The following BCL2L13 variants were observed in gnomAD, a reference collection of about 807,000 sequenced individuals.
BCL2L13 encodes bcl-2-like protein 13.
A neutral mutation model predicts 25.8 loss-of-function variants in BCL2L13; 13 were observed. The ratio of observed to expected loss-of-function variants is 0.50; its 90% confidence interval spans 0.33 to 0.80. The LOEUF is 0.80. Among genes scored for constraint, BCL2L13 ranks in the 30% least tolerant of loss-of-function variants. The probability of loss-of-function intolerance (pLI) is 0.02; values close to 1 mark genes in which losing one functional copy is unlikely to be tolerated. For missense variants in BCL2L13, 504 were observed against 574.9 expected, an observed-to-expected ratio of 0.88 and a Z score of 1.26; for synonymous variants, 244 against 230.3, an observed-to-expected ratio of 1.06 and a Z score of -0.54.
chr22:17,638,592 A>C (rs1312885580), upstream of BCL2L13: 1 of 1,013,426 alleles, frequency 9.9e-7, no homozygotes, highest in Non-Finnish European at 1.3e-6. Flanking sequence ...TCGCAATCAG[A>C]TTTGGGCGGG....
chr22:17,652,723 C>T (rs1260959239), intron 1 of BCL2L13, among the ~76,000 whole-genome samples: 4 of 152,098 alleles, frequency 2.6e-5, no homozygotes, highest in African/African-American at 4.8e-5. Flanking sequence ...CAGACATGAG[C>T]CATCGTGCCC....
chr22:17,643,754 C>T (rs1346556253), intron 1 of BCL2L13, among the ~76,000 whole-genome samples: 1 of 150,338 alleles, frequency 6.7e-6, no homozygotes, highest in Non-Finnish European at 1.5e-5. Context: ...GCTGGGACTA[C>T]AGGCACTCGC....
intron 1 of BCL2L13, among the ~76,000 whole-genome samples, chr22:17,653,170 C>G (rs2058742648): frequency 6.6e-6 from 1 of 152,096 alleles, no homozygotes; most frequent in Non-Finnish European, 1.5e-5. Flanking sequence ...AAATTGTAAG[C>G]CAAACTGTCG....
chr22:17,710,805 AGGC>A (rs1481853453), intron 6 of BCL2L13, among the ~76,000 whole-genome samples: 2 of 152,030 alleles, frequency 1.3e-5, no homozygotes, highest in African/African-American at 2.4e-5. Flanking sequence ...TGAATCCAAG[AGGC>A]GGAGCTTGCA....
chr22:17,708,613 C>T (rs997109271), intron 6 of BCL2L13, among the ~76,000 whole-genome samples: 1 of 152,086 alleles, frequency 6.6e-6, no homozygotes, highest in Non-Finnish European at 1.5e-5. Context: ...TTACTCAAAC[C>T]CTTTGGCTTC....
At chr22:17,676,077 A>G (rs1601614377) in intron 2 of BCL2L13, among the ~76,000 whole-genome samples, 1 of 152,252 alleles carries the variant, frequency 6.6e-6, no homozygotes, top group Non-Finnish European at 1.5e-5. Flanking sequence ...ATTTTAGAGC[A>G]TGAAAAGAAT....
Position 17,684,848 on chromosome 22 carries a change from T to A in BCL2L13, c.229+1527T>A, listed in dbSNP as rs5992789. ...CCTGGGTTCAGGCCATTCTCCTGCC[T>A]CAGCCTCCCGAGTAGCTGGGACTAC... is the stretch of plus-strand genomic sequence containing the variant. On this transcript the variant is annotated intron_variant, in intron 3 of 6. Transcript: ENST00000317582. Among the ~76,000 whole-genome samples, 588 of 152,040 alleles carry A rather than the reference T, an allele frequency of 3.9e-3. 4 individuals carry two copies. The highest frequency in any genetic ancestry group is 0.014 in the African/African-American group (569 of 41,456).
intron 2 of BCL2L13, among the ~76,000 whole-genome samples, chr22:17,668,306 C>T (rs2059301918): frequency 6.6e-6 from 1 of 151,706 alleles, no homozygotes; most frequent in African/African-American, 2.4e-5. Context: ...AGCCACCGTG[C>T]CCTACCTGTC....
chr22:17,715,139 TATATATATATATATATATATATA>T (rs1569007389), intron 6 of BCL2L13, among the ~76,000 whole-genome samples: 11 of 3,198 alleles, frequency 3.4e-3, no homozygotes, highest in South Asian at 0.022. Context: ...TATATATATA[TATATATATATATATATATATATA>T]TATATATATT....
chr22:17,707,638 GCT>G (rs1463249938), intron 6 of BCL2L13, among the ~76,000 whole-genome samples: 1 of 152,146 alleles, frequency 6.6e-6, no homozygotes, highest in Non-Finnish European at 1.5e-5. Flanking sequence ...ATCCAAAACA[GCT>G]CTTTTTCTTG....
chr22:17,692,163 C>A (rs549412446), intron 4 of BCL2L13, among the ~76,000 whole-genome samples: 3 of 152,306 alleles, frequency 2.0e-5, no homozygotes, highest in East Asian at 3.9e-4. Context: ...TACAGAAGAA[C>A]AACAGCTGTT....
chr22:17,631,683 TATATATATATATATATA>T (rs2058023983), intron 1 of BCL2L13, among the ~76,000 whole-genome samples: 1 of 31,830 alleles, frequency 3.1e-5, no homozygotes, highest in Non-Finnish European at 7.4e-5. Context: ...TATATATATA[TATATATATATATATATA>T]TATATATTTT....
intron 6 of BCL2L13, among the ~76,000 whole-genome samples, chr22:17,710,557 G>A (rs1217244989): frequency 6.6e-6 from 1 of 151,924 alleles, no homozygotes; most frequent in Non-Finnish European, 1.5e-5. Flanking sequence ...TCCAGCCTGG[G>A]TGACAGAGCA....
chr22:17,697,644 G>A (rs2060303710), intron 5 of BCL2L13, among the ~76,000 whole-genome samples: 1 of 152,082 alleles, frequency 6.6e-6, no homozygotes, highest in South Asian at 2.1e-4. Flanking sequence ...GTAAAGCTCA[G>A]TAAACAGCAG....
rs765639315 is a variant in BCL2L13 at position 17,711,304 on chromosome 22, C to CTTTTTTTTTTTTTTTTTTTTTTT, written c.600+8929_600+8930insTTTTTTTTTTTTTTTTTTTTTTT. On this transcript the variant is annotated intron_variant, in intron 6 of 6. Coordinates refer to ENST00000317582, the MANE Select transcript of BCL2L13 (RefSeq NM_015367.4). Reference sequence around the variant, plus strand: ...TTTCCCTTATTTCTTCATGATGGGCCTTTTTTTTTTTGAGACAGGGTTTCA... The same window carrying CTTTTTTTTTTTTTTTTTTTTTTT: ...TTTCCCTTATTTCTTCATGATGGGCCTTTTTTTTTTTTTTTTTTTTTTTTTTTTTTTTTTGAGACAGGGTTTCA... Among the ~76,000 whole-genome samples the CTTTTTTTTTTTTTTTTTTTTTTT allele has an allele frequency of 1.1e-4, 14 of 125,382 alleles. 1 individual carries two copies. Among genetic ancestry groups the CTTTTTTTTTTTTTTTTTTTTTTT allele is most frequent in the Non-Finnish European group, 1.3e-4 (8 of 59,370 alleles). The allele number at this position is 125,382 out of a possible 152,430, so 82.3% of individuals were successfully genotyped here.
upstream of BCL2L13, among the ~76,000 whole-genome samples, chr22:17,636,051 C>T (rs535973788): frequency 1.4e-5 from 2 of 147,724 alleles, no homozygotes; most frequent in Admixed American, 6.7e-5. Context: ...TGGCCTGGGG[C>T]GGTGGCTCAC....
chr22:17,639,173 C>T (rs1229461012), intron 1 of BCL2L13, among the ~76,000 whole-genome samples: 3 of 152,244 alleles, frequency 2.0e-5, no homozygotes, highest in African/African-American at 7.2e-5. Context: ...CTCCACGCCG[C>T]TGTCCTTCCC....
At chr22:17,663,483 A>G (rs1438351944) in intron 2 of BCL2L13, among the ~76,000 whole-genome samples, 1 of 152,100 alleles carries the variant, frequency 6.6e-6, no homozygotes, top group Non-Finnish European at 1.5e-5. Context: ...AATCTCATCA[A>G]ACTCCCAGAG....
intron 1 of BCL2L13, among the ~76,000 whole-genome samples, chr22:17,641,554 CAT>C (rs1285005307): frequency 1.3e-5 from 2 of 152,048 alleles, no homozygotes; most frequent in Non-Finnish European, 2.9e-5. Flanking sequence ...ACTTTATTGA[CAT>C]ATAATTAACG....
Sources: gnomAD v4.1 joint callset for allele counts (sites outside exome capture counted in the v4.1 genomes callset) on GRCh38, gnomAD v4.1.1 for gene constraint, MANE v1.5 for transcripts, NCBI Gene and HGNC (gene_info 2026-07-23, HGNC 2026-07-21) for gene names.